Variants in TEAD1 observed in about 807,000 individuals in gnomAD.
TEAD1 encodes TEA domain transcription factor 1.
A neutral mutation model predicts 54.9 loss-of-function variants in TEAD1; 9 were observed. That is an observed-to-expected ratio of 0.16 (90% CI 0.10 to 0.29). The LOEUF (loss-of-function observed/expected upper bound fraction) is 0.29, where lower values mean the gene tolerates loss of function less well. Among genes scored for constraint, TEAD1 ranks in the 10% least tolerant of loss-of-function variants. The pLI is 1.00. For synonymous variants in TEAD1, 200 were observed against 187.8 expected (o/e 1.07, Z -0.53); for missense variants, 387 against 535.9 (o/e 0.72, Z 2.74).
chr11:12,732,054 C>G (rs1400234892), intron 2 of TEAD1, among the ~76,000 whole-genome samples: 1 of 152,082 alleles, frequency 6.6e-6, no homozygotes. Context: ...CTCATATGAT[C>G]TTCTCCATCC....
intron 9 of TEAD1, among the ~76,000 whole-genome samples, chr11:12,896,385 A>T (rs753204336): frequency 2.0e-5 from 3 of 152,204 alleles, no homozygotes; most frequent in Admixed American, 2.0e-4. Context: ...TTTAAAACGT[A>T]TTCCATCCTT....
At chr11:12,697,214 TG>T (rs1461962875) in intron 2 of TEAD1, among the ~76,000 whole-genome samples, 1 of 152,140 alleles carries the variant, frequency 6.6e-6, no homozygotes, top group Non-Finnish European at 1.5e-5. Context: ...CAGTGGCCTT[TG>T]GCAAGTGCTT....
intron 3 of TEAD1, among the ~76,000 whole-genome samples, chr11:12,831,631 T>A (rs916183013): frequency 1.3e-5 from 2 of 152,118 alleles, no homozygotes; most frequent in African/African-American, 2.4e-5. Flanking sequence ...TTTTAAAAAT[T>A]AGCCAAGTGT....
At chr11:12,730,694 CTTTTTTTTTTTTT>C (rs71313457) in intron 2 of TEAD1, among the ~76,000 whole-genome samples, 3 of 65,662 alleles carry the variant, frequency 4.6e-5, no homozygotes, top group Admixed American at 2.1e-4. Flanking sequence ...CTACATAGCT[CTTTTTTTTTTTTT>C]TTTTTTTTTT....
chr11:12,797,929 C>T (rs1434943648), intron 3 of TEAD1, among the ~76,000 whole-genome samples: 1 of 152,118 alleles, frequency 6.6e-6, no homozygotes, highest in African/African-American at 2.4e-5. Flanking sequence ...TTTGTATGTT[C>T]ATTTTTCCTT....
intron 2 of TEAD1, among the ~76,000 whole-genome samples, chr11:12,699,276 C>G (rs1025759322): frequency 6.6e-6 from 1 of 151,966 alleles, no homozygotes; most frequent in Non-Finnish European, 1.5e-5. Context: ...ATGTGTATAC[C>G]TACCTATTTC....
intron 2 of TEAD1, among the ~76,000 whole-genome samples, chr11:12,721,966 A>G (rs1021842755): frequency 9.9e-5 from 15 of 152,200 alleles, no homozygotes; most frequent in African/African-American, 3.6e-4. Context: ...GGCTGGTTAA[A>G]TTCAGATTCA....
At chr11:12,884,548 G>A (rs375500138) in intron 9 of TEAD1, among the ~76,000 whole-genome samples, 23 of 152,284 alleles carry the variant, frequency 1.5e-4, no homozygotes, top group Admixed American at 3.9e-4. Flanking sequence ...AAGGCCTCCC[G>A]TGGGGCAGAG....
chr11:12,698,581 G>A (rs1943635498), intron 2 of TEAD1, among the ~76,000 whole-genome samples: 1 of 151,694 alleles, frequency 6.6e-6, no homozygotes, highest in Non-Finnish European at 1.5e-5. Context: ...CACTCATGGT[G>A]AAGCTTGGGT....
At chr11:12,744,223 C>T (rs1433621806) in intron 2 of TEAD1, among the ~76,000 whole-genome samples, 1 of 152,112 alleles carries the variant, frequency 6.6e-6, no homozygotes, top group African/African-American at 2.4e-5. Context: ...GTGAGAGGCG[C>T]ACAGCCTCTG....
rs1314653528 is a variant in TEAD1, at chr11:12,716,118, G to T, written c.-55+40557G>T. Among the ~76,000 whole-genome samples, 5 of 151,972 alleles carry T rather than the reference G, an allele frequency of 3.3e-5. No homozygotes were observed. In the East Asian group the frequency reaches 9.7e-4, roughly 30 times the overall value. The stretch of plus-strand genomic sequence containing the variant: ...AGGATGGGCTTCCTGTCCTGCGCGG[G>T]CTCTTTGTCTGTCGGCTTCCGGCCG... On this transcript the variant is annotated intron_variant, in intron 2 of 12. Coordinates refer to ENST00000527636, the MANE Select transcript of TEAD1 (RefSeq NM_021961.6).
In TEAD1 at chr11:12,937,271, G is replaced by A; in HGVS notation, c.*49G>A. On this transcript the variant is annotated 3_prime_UTR_variant, in exon 13 of 13. Transcript: ENST00000527636. ...TATCTGTATATACACACACACATAT[G>A]TGCACACACACACTCTCTCTCCATT... The A allele has an allele frequency of 7.6e-7, 1 of 1,308,944 alleles. No individual in the cohort carries two copies. Among genetic ancestry groups the A allele is most frequent in the African/African-American group, 1.5e-5 (1 of 67,752 alleles). The allele number at this position is 1,308,944 out of a possible 1,614,324, so 81.1% of individuals were successfully genotyped here.
At chr11:12,758,130 G>A (rs780060515) in intron 2 of TEAD1, among the ~76,000 whole-genome samples, 9 of 152,014 alleles carry the variant, frequency 5.9e-5, no homozygotes, top group Admixed American at 2.0e-4. Flanking sequence ...TGGTACTGGC[G>A]CTAGGGACAG....
intron 6 of TEAD1, among the ~76,000 whole-genome samples, 188 bp from the exon 7 acceptor site, chr11:12,880,817 T>C (rs545986967): frequency 5.3e-5 from 8 of 152,310 alleles, no homozygotes; most frequent in Non-Finnish European, 8.8e-5. Context: ...AGGGGAGCTC[T>C]GGGTTGCCAG....
chr11:12,745,512 T>G (rs1375852553), intron 2 of TEAD1, among the ~76,000 whole-genome samples: 1 of 152,090 alleles, frequency 6.6e-6, no homozygotes, highest in Admixed American at 6.5e-5. Flanking sequence ...TAAAAAAAAT[T>G]TAAAAACACA....
rs188617104 is a variant in TEAD1 at position 12,870,484 on chromosome 11, A to G, written c.330+5584A>G. On this transcript the variant is annotated intron_variant, in intron 5 of 12. Transcript: ENST00000527636. ...CGGTAAGATGGAAAAAAGAAAAAAA[A>G]AAAGGCATTTGTGGCCAGAGCACAG... Among the ~76,000 whole-genome samples, 744 of 152,294 alleles carry G rather than the reference A, an allele frequency of 4.9e-3. 2 individuals carry two copies. The highest frequency in any genetic ancestry group is 0.017 in the African/African-American group (722 of 41,562).
chr11:12,779,412 T>G (rs1427089853), intron 3 of TEAD1, among the ~76,000 whole-genome samples: 1 of 152,178 alleles, frequency 6.6e-6, no homozygotes, highest in Non-Finnish European at 1.5e-5. Context: ...GAATAAGGGT[T>G]GTTGGGGTTT....
At chr11:12,851,310 T>C (rs1269615641) in intron 3 of TEAD1, among the ~76,000 whole-genome samples, 2 of 152,208 alleles carry the variant, frequency 1.3e-5, no homozygotes, top group Non-Finnish European at 2.9e-5. Flanking sequence ...AGGTCTAATG[T>C]ACAACATAAG....
At chr11:12,771,106 G>C (rs1945302573) in intron 3 of TEAD1, among the ~76,000 whole-genome samples, 1 of 152,184 alleles carries the variant, frequency 6.6e-6, no homozygotes, top group Non-Finnish European at 1.5e-5. Context: ...GAGAAGGGAA[G>C]GGCATTCTGG....
Sources: allele counts gnomAD v4.1 joint callset (sites outside exome capture counted in the v4.1 genomes callset), GRCh38; gene constraint gnomAD v4.1.1; transcripts MANE v1.5; gene names NCBI Gene and HGNC (gene_info 2026-07-23, HGNC 2026-07-21).